The following SH3GL2 variants were observed in gnomAD, a reference collection of about 807,000 sequenced individuals.
SH3GL2 encodes endophilin-A1.
SH3GL2 carries 24 observed loss-of-function variants against 46.0 expected under a neutral mutation model. That is an observed-to-expected ratio of 0.52 (90% CI 0.38 to 0.73). SH3GL2 has a LOEUF of 0.73. Ranked by LOEUF, SH3GL2 falls within the 30% of genes least tolerant of loss-of-function variation. The pLI, the probability that SH3GL2 is intolerant of heterozygous loss-of-function variation, is 0.00. For synonymous variants in SH3GL2, 196 were observed against 147.1 expected, an observed-to-expected ratio of 1.33 and a Z score of -2.40; for missense variants, 413 against 424.2, an observed-to-expected ratio of 0.97 and a Z score of 0.23.
intron 1 of SH3GL2, among the ~76,000 whole-genome samples, chr9:17,733,524 A>C (rs1304051536): frequency 1.3e-5 from 2 of 151,006 alleles, no homozygotes; most frequent in East Asian, 3.9e-4. Flanking sequence ...TGTTGGTGGG[A>C]CTGTAAACTA....
intron 1 of SH3GL2, among the ~76,000 whole-genome samples, chr9:17,608,733 C>A (rs1818805702): frequency 6.6e-6 from 1 of 152,046 alleles, no homozygotes; most frequent in African/African-American, 2.4e-5. Flanking sequence ...TAAAATTATT[C>A]CTGAAGGTTA....
At chr9:17,688,897 A>G (rs1329818373) in intron 1 of SH3GL2, among the ~76,000 whole-genome samples, 1 of 152,008 alleles carries the variant, frequency 6.6e-6, no homozygotes, top group Non-Finnish European at 1.5e-5. Flanking sequence ...CAAATTATGC[A>G]CTCTGTTCTA....
At chr9:17,728,482 T>G (rs1046081031) in intron 1 of SH3GL2, among the ~76,000 whole-genome samples, 6 of 152,192 alleles carry the variant, frequency 3.9e-5, no homozygotes, top group African/African-American at 1.2e-4. Context: ...ATGTATGTAT[T>G]TATTTTTATT....
intron 2 of SH3GL2, among the ~76,000 whole-genome samples, chr9:17,756,005 G>A (rs577250174): frequency 1.4e-4 from 22 of 152,074 alleles, no homozygotes; most frequent in Middle Eastern, 3.4e-3. Context: ...CAGGAATCAA[G>A]ATTTTTTTGT....
chr9:17,646,477 C>T (rs541280949), intron 1 of SH3GL2, among the ~76,000 whole-genome samples: 1 of 152,142 alleles, frequency 6.6e-6, no homozygotes, highest in African/African-American at 2.4e-5. Context: ...GACTTTTCAG[C>T]CTTGTTGCGC....
chr9:17,603,626 C>G (rs935101046), intron 1 of SH3GL2, among the ~76,000 whole-genome samples: 1 of 152,070 alleles, frequency 6.6e-6, no homozygotes, highest in African/African-American at 2.4e-5. Flanking sequence ...TTTGGGAGGT[C>G]AAAGCCCATG....
chr9:17,640,443 C>A (rs1314360529), intron 1 of SH3GL2, among the ~76,000 whole-genome samples: 1 of 151,880 alleles, frequency 6.6e-6, no homozygotes, highest in African/African-American at 2.4e-5. Context: ...AAAGACTGGA[C>A]AGGTTTATGG....
At chr9:17,601,291 G>A (rs1004772856) in intron 1 of SH3GL2, among the ~76,000 whole-genome samples, 2 of 152,076 alleles carry the variant, frequency 1.3e-5, no homozygotes, top group Admixed American at 6.5e-5. Flanking sequence ...ACAGCAAGAT[G>A]GGTGAAAGGT....
At chr9:17,762,862 C>G (rs1823217775) in intron 3 of SH3GL2, among the ~76,000 whole-genome samples, 2 of 152,180 alleles carry the variant, frequency 1.3e-5, no homozygotes, top group Non-Finnish European at 1.5e-5. Flanking sequence ...TGTCATAGGT[C>G]AAGTTCTGAA....
intron 1 of SH3GL2, among the ~76,000 whole-genome samples, chr9:17,658,191 G>A (rs189547950): frequency 5.4e-4 from 83 of 152,330 alleles, no homozygotes; most frequent in Non-Finnish European, 8.5e-4. Flanking sequence ...CTTTTGGACA[G>A]TCATTAATAA....
At chr9:17,770,866 G>C (rs1217902665) in intron 3 of SH3GL2, among the ~76,000 whole-genome samples, 1 of 152,180 alleles carries the variant, frequency 6.6e-6, no homozygotes, top group Non-Finnish European at 1.5e-5. Context: ...GACTCAGGAA[G>C]ACAGCAACCC....
intron 1 of SH3GL2, among the ~76,000 whole-genome samples, chr9:17,639,944 A>C (rs1819635412): frequency 6.6e-6 from 1 of 152,204 alleles, no homozygotes; most frequent in African/African-American, 2.4e-5. Flanking sequence ...AGTGATATAA[A>C]GCAGATTAGT....
At chr9:17,739,620 A>C (rs1004311073) in intron 1 of SH3GL2, among the ~76,000 whole-genome samples, 1 of 14,526 alleles carries the variant, frequency 6.9e-5, no homozygotes, top group Non-Finnish European at 1.3e-4. Flanking sequence ...GAGAAATGCC[A>C]GTTAATTTTA....
intron 1 of SH3GL2, among the ~76,000 whole-genome samples, chr9:17,679,929 G>A (rs553602455): frequency 2.6e-4 from 40 of 152,164 alleles, no homozygotes; most frequent in African/African-American, 7.9e-4. Flanking sequence ...GCTGGATTAC[G>A]TTTATTGATT....
intron 3 of SH3GL2, among the ~76,000 whole-genome samples, chr9:17,774,535 G>C (rs1823584982): frequency 6.7e-6 from 1 of 149,004 alleles, no homozygotes; most frequent in African/African-American, 2.4e-5. Context: ...CATCAATTGA[G>C]ATGATCGTGT....
At chr9:17,626,118 G>T (rs1819274715) in intron 1 of SH3GL2, among the ~76,000 whole-genome samples, 1 of 152,218 alleles carries the variant, frequency 6.6e-6, no homozygotes, top group African/African-American at 2.4e-5. Context: ...GGGAGGCTCT[G>T]GCCGCAGGAC....
At chr9:17,619,733 T>C (rs1819094127) in intron 1 of SH3GL2, among the ~76,000 whole-genome samples, 1 of 152,180 alleles carries the variant, frequency 6.6e-6, no homozygotes, top group Non-Finnish European at 1.5e-5. Context: ...AAACATTCTT[T>C]TGTTGTTGGG....
At chr9:17,770,099 C>G (rs1425594844) in intron 3 of SH3GL2, among the ~76,000 whole-genome samples, 1 of 152,172 alleles carries the variant, frequency 6.6e-6, no homozygotes, top group East Asian at 1.9e-4. Flanking sequence ...TTTTACAGAT[C>G]AGTATCAGAG....
At chr9:17,787,736 A>T (rs3736897) in intron 5 of SH3GL2, among the ~76,000 whole-genome samples, 1 of 151,816 alleles carries the variant, frequency 6.6e-6, no homozygotes, top group African/African-American at 2.4e-5. Context: ...TGGCTTCTCT[A>T]TGTTTGATTT....
Sources: gnomAD v4.1 joint callset for allele counts (sites outside exome capture counted in the v4.1 genomes callset) on GRCh38, gnomAD v4.1.1 for gene constraint, MANE v1.5 for transcripts, NCBI Gene and HGNC (gene_info 2026-07-23, HGNC 2026-07-21) for gene names.